Variants in ARHGAP12 observed in about 807,000 individuals in gnomAD.
ARHGAP12 encodes rho GTPase-activating protein 12.
In ARHGAP12, 64 loss-of-function variants were observed where a neutral mutation model predicts 108.6. That is an observed-to-expected ratio of 0.59 (90% CI 0.48 to 0.73). ARHGAP12 has a LOEUF of 0.73. ARHGAP12 is among the 30% of genes least tolerant of loss of function. ARHGAP12 has a pLI of 0.00. For synonymous variants in ARHGAP12, 312 were observed against 337.2 expected (o/e 0.93, Z 0.82); for missense variants, 940 against 1,005.9 (o/e 0.93, Z 0.89).
chr10:31,809,880 G>A (rs1834951261), intron 16 of ARHGAP12, among the ~76,000 whole-genome samples: 1 of 151,984 alleles, frequency 6.6e-6, no homozygotes, highest in African/African-American at 2.4e-5. Context: ...GAAATTTCAG[G>A]TATTCATTAA....
At chr10:31,851,583 A>G (rs551770489) in intron 6 of ARHGAP12, among the ~76,000 whole-genome samples, 3 of 152,246 alleles carry the variant, frequency 2.0e-5, no homozygotes, top group East Asian at 1.9e-4. Flanking sequence ...CAATTACAGG[A>G]TATGTATTTC....
At chr10:31,861,915 C>A (rs1837131869) in intron 3 of ARHGAP12, among the ~76,000 whole-genome samples, 1 of 152,282 alleles carries the variant, frequency 6.6e-6, no homozygotes, top group Non-Finnish European at 1.5e-5. Flanking sequence ...CAGCCAAGAG[C>A]TGTGGGTTCT....
intron 1 of ARHGAP12, among the ~76,000 whole-genome samples, chr10:31,923,150 A>AAAAC (rs1374274446): frequency 1.3e-5 from 2 of 151,762 alleles, no homozygotes; most frequent in African/African-American, 4.8e-5. Flanking sequence ...AAAAAAAAAA[A>AAAAC]AACAGGCAAA....
At chr10:31,881,932 T>TG (rs1837980060) in intron 3 of ARHGAP12, among the ~76,000 whole-genome samples, 1 of 150,778 alleles carries the variant, frequency 6.6e-6, no homozygotes, top group African/African-American at 2.4e-5. Flanking sequence ...TTTTTTTTTT[T>TG]GAGACGGAGT....
At chr10:31,852,771 G>T (rs1429598219) in intron 5 of ARHGAP12, among the ~76,000 whole-genome samples, 174 bp from the exon 6 acceptor site, 2 of 128,516 alleles carry the variant, frequency 1.6e-5, no homozygotes, top group South Asian at 4.7e-4. Context: ...AGGCTGGAGT[G>T]CAATGGCACC....
chr10:31,917,954 T>A (rs1031221950), intron 1 of ARHGAP12, among the ~76,000 whole-genome samples: 2 of 109,930 alleles, frequency 1.8e-5, no homozygotes, highest in Non-Finnish European at 4.4e-5. Context: ...ATCAAATACC[T>A]TTTTTTTTTT....
chr10:31,814,473 A>AAATATCT, intron 13 of ARHGAP12, 112 bp from the exon 14 acceptor site: 1 of 837,304 alleles, frequency 1.2e-6, no homozygotes, highest in Non-Finnish European at 2.0e-6. Context: ...CAATTTTAGG[A>AAATATCT]AACCAATTAG....
chr10:31,898,046 C>T (rs1838776908), intron 3 of ARHGAP12, among the ~76,000 whole-genome samples: 1 of 152,076 alleles, frequency 6.6e-6, no homozygotes, highest in Non-Finnish European at 1.5e-5. Context: ...ATCGCTTGAA[C>T]CCAGGAGGTC....
intron 13 of ARHGAP12, among the ~76,000 whole-genome samples, chr10:31,814,633 T>C (rs1290229439): frequency 6.6e-6 from 1 of 152,148 alleles, no homozygotes; most frequent in Non-Finnish European, 1.5e-5. Context: ...CTTGCCTCAT[T>C]TTAATCAACT....
chr10:31,918,315 TCACA>T (rs58245483), intron 1 of ARHGAP12, among the ~76,000 whole-genome samples: 13,554 of 139,830 alleles, frequency 0.097, 725 homozygotes, highest in African/African-American at 0.14. Context: ...ATTAGGGAAA[TCACA>T]CACACACACA....
chr10:31,903,755 T>C, intron 3 of ARHGAP12, among the ~76,000 whole-genome samples: 1 of 112,192 alleles, frequency 8.9e-6, no homozygotes, highest in East Asian at 2.2e-4. Context: ...ACTCTCAAAA[T>C]TCAACAGTAA....
At chr10:31,882,447 G>A (rs1838009402) in intron 3 of ARHGAP12, among the ~76,000 whole-genome samples, 1 of 151,994 alleles carries the variant, frequency 6.6e-6, no homozygotes, top group Non-Finnish European at 1.5e-5. Flanking sequence ...TCAAAGAAAG[G>A]GCCAATAAAC....
chr10:31,884,231 T>C (rs78116424), intron 3 of ARHGAP12, among the ~76,000 whole-genome samples: 13,757 of 151,024 alleles, frequency 0.091, 760 homozygotes, highest in Middle Eastern at 0.14. Context: ...AAAACAAAAC[T>C]AAAAAATTCT....
At chr10:31,915,957 A>C (rs1839538217) in intron 1 of ARHGAP12, among the ~76,000 whole-genome samples, 1 of 152,222 alleles carries the variant, frequency 6.6e-6, no homozygotes, top group Admixed American at 6.5e-5. Context: ...AAACGTTTAC[A>C]GTTTTAATTT....
At chr10:31,871,440 G>T (rs1451278841) in intron 3 of ARHGAP12, among the ~76,000 whole-genome samples, 9 of 151,948 alleles carry the variant, frequency 5.9e-5, no homozygotes, top group Admixed American at 3.9e-4. Context: ...CTAAGACTTA[G>T]CTGTCACCTT....
chr10:31,822,065 A>G (rs1303726631), intron 11 of ARHGAP12, among the ~76,000 whole-genome samples: 3 of 151,414 alleles, frequency 2.0e-5, no homozygotes. Context: ...ATACAATGAC[A>G]TGACATGGAA....
intron 3 of ARHGAP12, among the ~76,000 whole-genome samples, chr10:31,869,542 C>G (rs1592314302): frequency 1.1e-5 from 1 of 90,346 alleles, no homozygotes; most frequent in Admixed American, 1.1e-4. Flanking sequence ...GTCTCAAAAA[C>G]AAACAAACAA....
chr10:31,815,415 A>G (rs1313595784), intron 13 of ARHGAP12, among the ~76,000 whole-genome samples: 1 of 152,200 alleles, frequency 6.6e-6, no homozygotes, highest in Non-Finnish European at 1.5e-5. Flanking sequence ...TAGGTTCTTT[A>G]TTCTGTTTCA....
intron 9 of ARHGAP12, among the ~76,000 whole-genome samples, chr10:31,832,661 ACT>A (rs151070447): frequency 2.5e-4 from 37 of 149,538 alleles, no homozygotes; most frequent in Non-Finnish European, 1.5e-4. Context: ...ATACACACGC[ACT>A]CTCTCTCTCT....
Sources: allele counts gnomAD v4.1 joint callset (sites outside exome capture counted in the v4.1 genomes callset), GRCh38; gene constraint gnomAD v4.1.1; transcripts MANE v1.5; gene names NCBI Gene and HGNC (gene_info 2026-07-23, HGNC 2026-07-21).